The following MAP2 variants were observed in gnomAD, a reference collection of about 807,000 sequenced individuals.
MAP2 encodes the protein microtubule-associated protein 2.
Under a neutral mutation model 137.6 loss-of-function variants are expected in MAP2, and 14 were observed. That is an observed-to-expected ratio of 0.10 (90% confidence interval 0.07 to 0.16). The LOEUF (loss-of-function observed/expected upper bound fraction) is 0.16. MAP2 is among the 10% of genes least tolerant of loss of function. The pLI is 1.00. For missense variants in MAP2, 2,088 were observed against 2,191.5 expected, an observed-to-expected ratio of 0.95 and a Z score of 0.94; for synonymous variants, 786 against 782.3, an observed-to-expected ratio of 1.00 and a Z score of -0.08.
chr2:209,628,052 C>CT lies in MAP2; in HGVS notation c.-30+2925dup, dbSNP rs542499604. Among the ~76,000 whole-genome samples the CT allele has an allele frequency of 2.0e-3, 304 of 152,170 alleles. 1 individual carries two copies. Among genetic ancestry groups the CT allele is most frequent in the African/African-American group, 6.8e-3 (284 of 41,520 alleles). On this transcript the variant is annotated intron_variant, in intron 4 of 15. Coordinates refer to ENST00000682079, the MANE Select transcript of MAP2 (RefSeq NM_001375505.1). The stretch of plus-strand genomic sequence containing the variant: ...TTCTAAATGTGTTTGAAGTTTGAGT[C>CT]TTACTAACTTATGTAGAATTCACAT...
At chr2:209,438,354 T>C (rs1046345111) in intron 1 of MAP2, among the ~76,000 whole-genome samples, 2 of 151,674 alleles carry the variant, frequency 1.3e-5, no homozygotes, top group Admixed American at 6.6e-5. Flanking sequence ...TCCTGTATTA[T>C]GCAGGGTTAT....
At chr2:209,548,574 A>G (rs553417456) in intron 2 of MAP2, among the ~76,000 whole-genome samples, 3 of 152,212 alleles carry the variant, frequency 2.0e-5, no homozygotes, top group South Asian at 2.1e-4. Flanking sequence ...CAATTGTTCA[A>G]TGATACCATA....
chr2:209,484,385 A>G (rs1249728508), intron 1 of MAP2, among the ~76,000 whole-genome samples: 2 of 150,618 alleles, frequency 1.3e-5, no homozygotes, highest in East Asian at 3.9e-4. Context: ...GGCATTACCA[A>G]GAAGTCAAAG....
At chr2:209,729,806 C>T (rs927520790) in intron 14 of MAP2, 44 bp from the exon 15 acceptor site, 4 of 1,333,226 alleles carry the variant, frequency 3.0e-6, no homozygotes, top group Admixed American at 1.8e-5. Context: ...ATAGTTACCA[C>T]GAATGCAAGA....
chr2:209,592,240 T>C (rs192511417), intron 3 of MAP2, among the ~76,000 whole-genome samples: 289 of 152,270 alleles, frequency 1.9e-3, no homozygotes, highest in Non-Finnish European at 3.1e-3. Flanking sequence ...ATGTACTCTG[T>C]CATTGTAGCA....
intron 3 of MAP2, among the ~76,000 whole-genome samples, chr2:209,599,144 C>G (rs1370148100): frequency 6.6e-6 from 1 of 152,172 alleles, no homozygotes; most frequent in Non-Finnish European, 1.5e-5. Context: ...GCCATTCTAA[C>G]TGGTGTGAGA....
At chr2:209,719,091 C>T (rs2069026111) in intron 13 of MAP2, among the ~76,000 whole-genome samples, 1 of 152,126 alleles carries the variant, frequency 6.6e-6, no homozygotes. Context: ...TAATTTTATG[C>T]CATCTTGAGA....
At chr2:209,611,932 A>C (rs1169538995) in intron 3 of MAP2, among the ~76,000 whole-genome samples, 1 of 152,120 alleles carries the variant, frequency 6.6e-6, no homozygotes, top group East Asian at 1.9e-4. Context: ...AGTAACCCTA[A>C]AACCTATTAG....
intron 1 of MAP2, among the ~76,000 whole-genome samples, chr2:209,470,441 G>A (rs1705371940): frequency 6.6e-6 from 1 of 150,598 alleles, no homozygotes; most frequent in Non-Finnish European, 1.5e-5. Flanking sequence ...CTTACTTAGA[G>A]GGGAAATTAA....
Position 209,648,585 on chromosome 2 carries a change from G to A in MAP2, c.-29-4557G>A, listed in dbSNP as rs139377054. On this transcript the variant is annotated intron_variant, in intron 4 of 15. Transcript: ENST00000682079. ...GCTTTTCAGGGAAGAGAAATAAGGC[G>A]GCCAAGACGGTGAAACCCCTTCTCT... Among the ~76,000 whole-genome samples the A allele has an allele frequency of 4.3e-3, 637 of 147,496 alleles. 5 individuals are homozygous for A. The highest frequency in any genetic ancestry group is 7.7e-3 in the Non-Finnish European group (520 of 67,332).
chr2:209,575,510 C>T (rs2075213719), intron 2 of MAP2, among the ~76,000 whole-genome samples: 1 of 105,738 alleles, frequency 9.5e-6, no homozygotes, highest in African/African-American at 4.4e-5. Flanking sequence ...AACAGTGAGA[C>T]TCCATCTCAA....
Position 209,652,562 on chromosome 2 carries a change from G to A in MAP2, c.-29-580G>A, listed in dbSNP as rs147702465. Among the ~76,000 whole-genome samples, 460 of 152,044 alleles carry A rather than the reference G, an allele frequency of 3.0e-3. 2 individuals carry two copies. In the Middle Eastern group the frequency reaches 0.034, roughly 11 times the overall value. On this transcript the variant is annotated intron_variant, in intron 4 of 15. Coordinates refer to ENST00000682079, the MANE Select transcript of MAP2 (RefSeq NM_001375505.1). Reference sequence around the variant, plus strand: ...TATCCAGAAAAGTGTATCTACCTTCGGCTTTAATTGAACACCCTTGAAACC... The same window carrying A: ...TATCCAGAAAAGTGTATCTACCTTCAGCTTTAATTGAACACCCTTGAAACC...
intron 1 of MAP2, among the ~76,000 whole-genome samples, chr2:209,488,607 G>T (rs2058686940): frequency 6.6e-6 from 1 of 152,068 alleles, no homozygotes; most frequent in Non-Finnish European, 1.5e-5. Context: ...TGGGGGGAGG[G>T]GTGTCTGCCA....
chr2:209,602,833 A>G (rs1198267244), intron 3 of MAP2, among the ~76,000 whole-genome samples: 1 of 152,192 alleles, frequency 6.6e-6, no homozygotes, highest in Admixed American at 6.6e-5. Flanking sequence ...ACACATTATA[A>G]TTCTCTACCA....
At position 209,526,217 on chromosome 2, in the gene MAP2, A is replaced by C. The variant is rs576813302; in HGVS notation, c.-172+18576A>C. Among the ~76,000 whole-genome samples the C allele has an allele frequency of 7.2e-5, 11 of 152,268 alleles. 1 individual carries two copies. The East Asian group carries it at 1.4e-3, about 19-fold the overall frequency. On this transcript the variant is annotated intron_variant, in intron 2 of 15. Transcript: ENST00000682079. ...TTTCATAAGTCCTATTCTTTTGAGC[A>C]TAGTCAGCTTGAGGCAGCTGTGGTT...
At chr2:209,522,142 C>G (rs775267084) in intron 2 of MAP2, among the ~76,000 whole-genome samples, 15 of 152,018 alleles carry the variant, frequency 9.9e-5, no homozygotes, top group Non-Finnish European at 1.8e-4. Context: ...TGATGGGCCT[C>G]CTTTTTTTTT....
intron 3 of MAP2, among the ~76,000 whole-genome samples, chr2:209,585,493 ATTG>A (rs2077476216): frequency 6.6e-6 from 1 of 152,184 alleles, no homozygotes; most frequent in Non-Finnish European, 1.5e-5. Context: ...TCCAGAGATT[ATTG>A]TTAACACTTT....
intron 3 of MAP2, among the ~76,000 whole-genome samples, chr2:209,623,430 G>A (rs1476545660): frequency 6.6e-6 from 1 of 152,098 alleles, no homozygotes; most frequent in Non-Finnish European, 1.5e-5. Context: ...ATATGCATAT[G>A]TGCTTACTTA....
At chr2:209,529,900 G>A (rs1037709149) in intron 2 of MAP2, among the ~76,000 whole-genome samples, 24 of 42,374 alleles carry the variant, frequency 5.7e-4, no homozygotes, top group African/African-American at 1.6e-3. Flanking sequence ...TTCCCCACCC[G>A]CCCGCCCATT....
Sources: allele counts gnomAD v4.1 joint callset (sites outside exome capture counted in the v4.1 genomes callset), GRCh38; gene constraint gnomAD v4.1.1; transcripts MANE v1.5; gene names NCBI Gene and HGNC (gene_info 2026-07-23, HGNC 2026-07-21).